The following SLCO6A1 variants were observed in gnomAD, a reference collection of about 807,000 sequenced individuals.
SLCO6A1 encodes solute carrier organic anion transporter family member 6A1.
In SLCO6A1, 65 loss-of-function variants were observed where a neutral mutation model predicts 72.7. The ratio of observed to expected loss-of-function variants is 0.89; its 90% CI spans 0.73 to 1.10. The LOEUF is 1.10. SLCO6A1 is among the 50% of genes least tolerant of loss of function. The pLI is 0.00. For synonymous variants in SLCO6A1, 314 were observed against 298.2 expected, an observed-to-expected ratio of 1.05 and a Z score of -0.55; for missense variants, 874 against 872.6, an observed-to-expected ratio of 1.00 and a Z score of -0.02.
intron 3 of SLCO6A1, among the ~76,000 whole-genome samples, chr5:102,477,184 C>T (rs1468066445): frequency 1.3e-5 from 2 of 152,024 alleles, no homozygotes; most frequent in Non-Finnish European, 2.9e-5. Context: ...AGCAATGGTA[C>T]GATCTTGGCT....
chr5:102,383,095 A>ATATATATATATATATATATAGATAT (rs1554064835), intron 12 of SLCO6A1, among the ~76,000 whole-genome samples: 1 of 128,572 alleles, frequency 7.8e-6, no homozygotes, highest in African/African-American at 3.0e-5. Flanking sequence ...TATGTGTGTG[A>ATATATATATATATATATATAGATAT]ATATATATAT....
chr5:102,458,052 A>G (rs991653799), intron 6 of SLCO6A1, among the ~76,000 whole-genome samples: 2 of 151,936 alleles, frequency 1.3e-5, no homozygotes, highest in Admixed American at 6.6e-5. Flanking sequence ...ATTGAACAAT[A>G]AGAACACATG....
At chr5:102,478,854 G>A (rs986190847) in intron 2 of SLCO6A1, among the ~76,000 whole-genome samples, 1 of 152,168 alleles carries the variant, frequency 6.6e-6, no homozygotes, top group South Asian at 2.1e-4. Flanking sequence ...TAGTATCCAT[G>A]TGAAATGATT....
intron 9 of SLCO6A1, among the ~76,000 whole-genome samples, chr5:102,406,634 G>A (rs1747683575): frequency 1.3e-5 from 2 of 152,058 alleles, no homozygotes; most frequent in Admixed American, 6.6e-5. Flanking sequence ...AGATAGCAGA[G>A]TTAATAGTAA....
intron 4 of SLCO6A1, among the ~76,000 whole-genome samples, chr5:102,467,056 A>G (rs1751348573): frequency 6.6e-6 from 1 of 151,932 alleles, no homozygotes; most frequent in African/African-American, 2.4e-5. Flanking sequence ...TTTTGTTGCA[A>G]TTGTTTTGGT....
At chr5:102,472,968 G>T (rs9327860) in intron 4 of SLCO6A1, among the ~76,000 whole-genome samples, 96,650 of 151,748 alleles carry the variant, frequency 0.64, 30,957 homozygotes, top group African/African-American at 0.66. Flanking sequence ...AACTAGTAAG[G>T]TGATTGAATC....
intron 1 of SLCO6A1, among the ~76,000 whole-genome samples, chr5:102,485,097 CA>C (rs1439754586): frequency 2.0e-5 from 3 of 151,336 alleles, no homozygotes; most frequent in African/African-American, 7.3e-5. Flanking sequence ...ACTGAAAATA[CA>C]AAATTAGCCA....
chr5:102,427,860 A>AT (rs1748991195), intron 7 of SLCO6A1, among the ~76,000 whole-genome samples: 1 of 99,476 alleles, frequency 1.0e-5, no homozygotes, highest in African/African-American at 6.1e-5. Context: ...ATATATATAT[A>AT]TATATTTTTT....
chr5:102,497,573 C>T (rs1383646196), intron 1 of SLCO6A1, among the ~76,000 whole-genome samples: 1 of 152,150 alleles, frequency 6.6e-6, no homozygotes, highest in East Asian at 1.9e-4. Flanking sequence ...TCGTGCCAGC[C>T]GGTTAACCTG....
intron 9 of SLCO6A1, among the ~76,000 whole-genome samples, chr5:102,403,679 A>C (rs1747519590): frequency 6.6e-6 from 1 of 152,182 alleles, no homozygotes; most frequent in African/African-American, 2.4e-5. Flanking sequence ...AGTACAGCTT[A>C]AACTATTTGA....
At chr5:102,460,550 G>A (rs913564356) in intron 4 of SLCO6A1, among the ~76,000 whole-genome samples, 1 of 152,082 alleles carries the variant, frequency 6.6e-6, no homozygotes, top group Non-Finnish European at 1.5e-5. Context: ...TAGTTGTGAA[G>A]CTATTCTATC....
intron 12 of SLCO6A1, among the ~76,000 whole-genome samples, chr5:102,375,328 A>G (rs1473782623): frequency 1.3e-5 from 2 of 152,200 alleles, no homozygotes; most frequent in African/African-American, 4.8e-5. Context: ...TGAAGCCAGT[A>G]GGGAACCAAC....
intron 8 of SLCO6A1, among the ~76,000 whole-genome samples, chr5:102,415,527 C>T (rs1224322934): frequency 6.6e-6 from 1 of 152,014 alleles, no homozygotes. Flanking sequence ...TGAAAATGGA[C>T]CCCTGTCTGT....
intron 9 of SLCO6A1, among the ~76,000 whole-genome samples, chr5:102,401,247 AAAAC>A (rs1234416762): frequency 6.6e-6 from 1 of 152,126 alleles, no homozygotes; most frequent in Non-Finnish European, 1.5e-5. Flanking sequence ...AGTTGAAAGA[AAAAC>A]AAGAACAGAA....
chr5:102,412,150 C>T (rs546953379), intron 9 of SLCO6A1, among the ~76,000 whole-genome samples: 1 of 152,000 alleles, frequency 6.6e-6, no homozygotes, highest in Non-Finnish European at 1.5e-5. Flanking sequence ...AAAACCCTAC[C>T]CCAGCTACAA....
intron 1 of SLCO6A1, among the ~76,000 whole-genome samples, chr5:102,481,976 T>C (rs1474293353): frequency 6.6e-6 from 1 of 152,150 alleles, no homozygotes; most frequent in African/African-American, 2.4e-5. Flanking sequence ...CACAACTAGT[T>C]TCAGCAGACC....
intron 4 of SLCO6A1, among the ~76,000 whole-genome samples, chr5:102,468,737 G>A (rs1751438246): frequency 6.6e-6 from 1 of 151,986 alleles, no homozygotes; most frequent in African/African-American, 2.4e-5. Context: ...TGTATTACGT[G>A]AGTCTCTTGA....
chr5:102,446,865 C>G (rs895154400), intron 6 of SLCO6A1, among the ~76,000 whole-genome samples: 11 of 152,274 alleles, frequency 7.2e-5, no homozygotes, highest in Admixed American at 3.9e-4. Context: ...AGTGATTCTT[C>G]TGCCTCAGCC....
chr5:102,415,419 C>A (rs1748228227), intron 8 of SLCO6A1, among the ~76,000 whole-genome samples: 1 of 152,122 alleles, frequency 6.6e-6, no homozygotes, highest in Non-Finnish European at 1.5e-5. Context: ...TTATAGCCAA[C>A]TGATCTTTGA....
Sources: gnomAD v4.1 joint callset for allele counts (sites outside exome capture counted in the v4.1 genomes callset) on GRCh38, gnomAD v4.1.1 for gene constraint, MANE v1.5 for transcripts, NCBI Gene and HGNC (gene_info 2026-07-23, HGNC 2026-07-21) for gene names.